IDH2: variants seen among roughly 807,000 people sequenced by gnomAD.
The protein encoded by IDH2 is isocitrate dehydrogenase [NADP], mitochondrial.
Under a neutral mutation model 50.5 loss-of-function variants are expected in IDH2, and 18 were observed. The ratio of observed to expected loss-of-function variants is 0.36; its 90% confidence interval spans 0.25 to 0.53. IDH2 has a LOEUF of 0.53. Ranked by LOEUF, IDH2 falls within the 20% of genes least tolerant of loss-of-function variation. The pLI is 0.92. For missense variants in IDH2, 518 were observed against 610.7 expected (o/e 0.85, Z 1.60); for synonymous variants, 280 against 239.8 (o/e 1.17, Z -1.55).
At chr15:90,088,183 T>G (rs1192216003) in intron 5 of IDH2, among the ~76,000 whole-genome samples, 176 bp downstream of exon 5, 2 of 152,116 alleles carry the variant, frequency 1.3e-5, no homozygotes, top group African/African-American at 4.8e-5. Flanking sequence ...AATCCTGCCT[T>G]GGCCTCCCAA....
chr15:90,099,013 C>T (rs552357851), intron 1 of IDH2, among the ~76,000 whole-genome samples: 30 of 152,218 alleles, frequency 2.0e-4, no homozygotes, highest in African/African-American at 7.2e-4. Context: ...TGGAACCTTT[C>T]CCCACTACTG....
At chr15:90,092,828 T>C (rs895280343) in intron 1 of IDH2, among the ~76,000 whole-genome samples, 4 of 152,326 alleles carry the variant, frequency 2.6e-5, no homozygotes, top group Middle Eastern at 3.4e-3. Context: ...TCCACCTGCC[T>C]TGACCCCCGC....
rs371460407 is a variant in IDH2 at position 90,087,176 on chromosome 15, C to T, written c.903G>A (p.Ser301=). ...DDMVAQVLKS[S]GGFVWACKNY... ...TCTTGCAGGCCCACACAAAGCCACC[C>T]GAAGACTTGAGGACCTGAGCCACCA... is the stretch of plus-strand genomic sequence containing the variant. The change falls in exon 7 of 11, where the codon TCG becomes TCA. Residue 301 remains serine, a synonymous_variant. Coordinates refer to ENST00000330062, the MANE Select transcript of IDH2 (RefSeq NM_002168.4). 7 of 1,614,004 alleles carry T rather than the reference C, an allele frequency of 4.3e-6. No individual in the cohort carries two copies. The highest frequency in any genetic ancestry group is 1.1e-5 in the South Asian group (1 of 91,082).
intron 7 of IDH2, among the ~76,000 whole-genome samples, chr15:90,086,572 A>C (rs572188364): frequency 3.7e-4 from 56 of 151,772 alleles, no homozygotes; most frequent in Admixed American, 1.8e-3. Flanking sequence ...TGCCCAGCTA[A>C]ATTTTTTTGC....
Position 90,088,469 on chromosome 15 carries a change from C to T in IDH2, c.568G>A (p.Gly190Ser), listed in dbSNP as rs1472765685. ...GGGGTGAAGACCATTTTGAAAGTGC[C>T]GGCCCGGTCTGCCACAAAGTCTGTG... Reference protein sequence around the residue: ...KATDFVADRAGTFKMVFTPKD... With the variant: ...KATDFVADRASTFKMVFTPKD... The change falls in exon 5 of 11, where the codon GGC becomes AGC. Residue 190 changes from glycine to serine, a missense_variant. By Grantham distance (56) the Gly-to-Ser change is moderately conservative. This residue lies in a region of IDH2 where 207 missense variants were observed against 208.6 expected (regional missense o/e 0.99). Coordinates refer to ENST00000330062, the MANE Select transcript of IDH2 (RefSeq NM_002168.4). The T allele has an allele frequency of 1.2e-5, 19 of 1,614,212 alleles. No homozygotes were observed. Among genetic ancestry groups the T allele is most frequent in the Non-Finnish European group, 1.6e-5 (19 of 1,180,030 alleles).
At chr15:90,088,215 A>G (rs1020019088) in intron 5 of IDH2, 144 bp downstream of exon 5, 1 of 1,079,822 alleles carries the variant, frequency 9.3e-7, no homozygotes, top group Non-Finnish European at 1.4e-6. Flanking sequence ...TACAAGTGTC[A>G]GCCACCATGC....
rs965672106 is a variant in IDH2 at position 90,085,170 on chromosome 15, C to T, written c.1081-72G>A. ...AGGAGGCTGCCCAGATACAGCTGCC[C>T]GCCCCTGGGCTGGTGGGTCAGGCTC... On this transcript the variant is annotated intron_variant, in intron 8 of 10. Transcript: ENST00000330062. This position sits in a 1 kb window ranked among gnomAD's most constrained non-coding sequence, Gnocchi z 5.5. The T allele has an allele frequency of 7.4e-5, 114 of 1,544,734 alleles. No individual in the cohort carries two copies. The highest frequency in any genetic ancestry group is 2.0e-4 in the Admixed American group (12 of 59,110).
chr15:90,099,046 A>G (rs1901262216), intron 1 of IDH2, among the ~76,000 whole-genome samples: 1 of 152,116 alleles, frequency 6.6e-6, no homozygotes, highest in African/African-American at 2.4e-5. Context: ...AAATATATCC[A>G]GAATCCAACC....
In IDH2 at chr15:90,088,568, C is replaced by G. The variant is rs746506993; in HGVS notation, c.534+19G>C. 7 of 1,614,076 alleles carry G rather than the reference C, an allele frequency of 4.3e-6. No homozygotes were observed. The highest frequency in any genetic ancestry group is 5.9e-6 in the Non-Finnish European group (7 of 1,180,048). On this transcript the variant is annotated intron_variant, in intron 4 of 10. Coordinates refer to ENST00000330062, the MANE Select transcript of IDH2 (RefSeq NM_002168.4). Reference sequence around the variant, plus strand: ...GGGGGGTGCCCAGGTCAGTGGATCCCCTCTCCACCCTGGCCTACCTGGTCG... The same window carrying G: ...GGGGGGTGCCCAGGTCAGTGGATCCGCTCTCCACCCTGGCCTACCTGGTCG...
chr15:90,087,504 G>A lies in IDH2; in HGVS notation c.750C>T (p.Thr250=). 1 of 1,614,168 alleles carries A rather than the reference G, an allele frequency of 6.2e-7. No individual in the cohort carries two copies. The highest frequency in any genetic ancestry group is 8.5e-7 in the Non-Finnish European group (1 of 1,180,014). Residue 250 remains threonine, a synonymous_variant, in exon 6 of 11, where the codon ACC becomes ACT. Coordinates refer to ENST00000330062, the MANE Select transcript of IDH2 (RefSeq NM_002168.4). ...IQKKWPLYMS[T]KNTILKAYDG... ...CGTAGGCTTTCAGTATGGTGTTCTTGGTGCTCATGTACAGCGGCCATTTCT... is the reference window on the plus strand; with the variant it reads ...CGTAGGCTTTCAGTATGGTGTTCTTAGTGCTCATGTACAGCGGCCATTTCT...
rs746881165 is a variant in IDH2 at position 90,102,323 on chromosome 15, G to C, written c.68C>G (p.Pro23Arg). ...CGAGGTGGGGGCTGTCAGGGCCGCC[G>C]GCGCCCAGGCCGGCCGCGAGCCTGA... ...RASGSRPAWA[P>R]AALTAPTSQE... Residue 23 changes from proline (P) to arginine (R), a missense_variant, in exon 1 of 11, where the codon CCG becomes CGG. Physicochemically the swap from Pro to Arg is moderately radical, Grantham distance 103. Transcript: ENST00000330062. The C allele has an allele frequency of 4.7e-5, 64 of 1,361,118 alleles. No homozygotes were observed. The East Asian group carries it at 1.8e-3, about 39-fold the overall frequency. The allele number at this position is 1,361,118 out of a possible 1,614,324, so 84.3% of individuals were successfully genotyped here.
At chr15:90,094,079 G>A (rs915673728) in intron 1 of IDH2, among the ~76,000 whole-genome samples, 4 of 152,152 alleles carry the variant, frequency 2.6e-5, no homozygotes, top group Non-Finnish European at 4.4e-5. Context: ...CAGAACCCTT[G>A]ATCCCAGCCG....
rs758343556 is a variant in IDH2 at position 90,088,377 on chromosome 15, G to A, written c.660C>T (p.Gly220=). 4 of 1,613,936 alleles carry A rather than the reference G, an allele frequency of 2.5e-6. No individual in the cohort carries two copies. Among genetic ancestry groups the A allele is most frequent in the Non-Finnish European group, 2.5e-6 (3 of 1,180,040 alleles). The change falls in exon 5 of 11, where the codon GGC becomes GGT. Residue 220 remains glycine, a synonymous_variant. Coordinates refer to ENST00000330062, the MANE Select transcript of IDH2 (RefSeq NM_002168.4). ...GCCTCACCTCGTCGGTGTTGTACAT[G>A]CCCATGCCCACGCCGCCTGCGGGGA... The part of the protein sequence containing the change: ...YNFPAGGVGM[G]MYNTDESISG...
At position 90,089,061 on chromosome 15, in the gene IDH2, T is replaced by C. The variant is rs560302993; in HGVS notation, c.374-314A>G. ...TCCCGAGCAGCTGGAATTACAGGCA[T>C]GTGACACCACACCAAGCTAATTTTG... On this transcript the variant is annotated intron_variant, in intron 3 of 10. Coordinates refer to ENST00000330062, the MANE Select transcript of IDH2 (RefSeq NM_002168.4). 2.9e-3 allele frequency among the ~76,000 whole-genome samples: 438 copies of C among 151,940 alleles called. 1 individual carries two copies. The highest frequency in any genetic ancestry group is 5.3e-3 in the Non-Finnish European group (361 of 67,972).
In IDH2 at chr15:90,087,462, G is replaced by A; in HGVS notation, c.792C>T (p.Asp264=). 1 of 1,614,204 alleles carries A rather than the reference G, an allele frequency of 6.2e-7. No individual in the cohort carries two copies. The highest frequency in any genetic ancestry group is 1.3e-5 in the African/African-American group (1 of 75,048). The change falls in exon 6 of 11, where the codon GAC becomes GAT. Residue 264 remains aspartate (D), a synonymous_variant. Coordinates refer to ENST00000330062, the MANE Select transcript of IDH2 (RefSeq NM_002168.4). ...ILKAYDGRFK[D]IFQEIFDKHY... ...ACTTGTCAAAGATCTCCTGGAAGAT[G>A]TCCTTGAAACGCCCATCGTAGGCTT...
chr15:90,099,241 G>A (rs1012243394), intron 1 of IDH2, among the ~76,000 whole-genome samples: 2 of 152,024 alleles, frequency 1.3e-5, no homozygotes, highest in African/African-American at 2.4e-5. Flanking sequence ...CCCCACTGCC[G>A]AACCTCATCC....
chr15:90,084,860 T>A lies in IDH2; in HGVS notation c.1227A>T (p.Gly409=), dbSNP rs1307247492. The change falls in exon 10 of 11, where the codon GGA becomes GGT. Residue 409 remains glycine (G), a synonymous_variant. Transcript: ENST00000330062. The surrounding 1 kb of genome is among the most constrained non-coding windows in gnomAD (Gnocchi z 5.0). ...AGCCCGCCAGGTCCTTGGTCATGGC[T>A]CCACTCTCCACCGTCTCCACGCACA... ...EKVCVETVES[G]AMTKDLAGCI... is the part of the protein sequence containing the mutation. 1 of 1,613,848 alleles carries A rather than the reference T, an allele frequency of 6.2e-7. No individual in the cohort carries two copies. Among genetic ancestry groups the A allele is most frequent in the Non-Finnish European group, 8.5e-7 (1 of 1,179,988 alleles).
chr15:90,091,237 A>G (rs1171270708), intron 2 of IDH2, among the ~76,000 whole-genome samples: 2 of 152,216 alleles, frequency 1.3e-5, no homozygotes, highest in Non-Finnish European at 2.9e-5. Context: ...CTTTTCAAGA[A>G]GTGAGGCAAA....
Position 90,100,504 on chromosome 15 carries a change from A to G in IDH2, c.115+1772T>C, listed in dbSNP as rs2151556855. 2.7e-6 allele frequency: 1 copy of G among 368,684 alleles called. No individual in the cohort carries two copies. Among genetic ancestry groups the G allele is most frequent in the African/African-American group, 2.2e-5 (1 of 45,528 alleles). 22.8% of individuals were successfully genotyped at this position (368,684 alleles called of 1,614,324 possible). A position where few individuals can be genotyped will look rare whatever the true frequency, so the allele number is the denominator to read the frequency against. ...GAAGTTTCTGGGTTAGGAGTGAAGG[A>G]AGGCTAGATAAGTAATTCTGCCACT... On this transcript the variant is annotated intron_variant, in intron 1 of 10. Coordinates refer to ENST00000330062, the MANE Select transcript of IDH2 (RefSeq NM_002168.4). The surrounding 1 kb of genome is among the most constrained non-coding windows in gnomAD (Gnocchi z 4.1).
Sources: gnomAD v4.1 joint callset for allele counts (sites outside exome capture counted in the v4.1 genomes callset) on GRCh38, gnomAD v4.1.1 for gene constraint, gnomAD v4.1.1 regional missense constraint, Gnocchi (gnomAD v3.1) non-coding constraint, MANE v1.5 for transcripts, NCBI Gene and HGNC (gene_info 2026-07-23, HGNC 2026-07-21) for gene names.